TEX52: variants seen among roughly 807,000 people sequenced by gnomAD.
The protein encoded by TEX52 is testis expressed 52.
TEX52 carries 22 observed loss-of-function variants against 17.6 expected under a neutral mutation model. The observed-to-expected ratio is 1.25, with a 90% CI of 0.89 to 1.78. TEX52 has a LOEUF of 1.78. TEX52 is among the 40% of genes most tolerant of loss of function. TEX52 has a pLI of 0.00. For missense variants in TEX52, 396 were observed against 372.3 expected, an observed-to-expected ratio of 1.06 and a Z score of -0.52; for synonymous variants, 168 against 147.4, an observed-to-expected ratio of 1.14 and a Z score of -1.01.
chr12:2,853,706 A>G (rs901520513), intron 2 of TEX52, among the ~76,000 whole-genome samples: 3 of 150,978 alleles, frequency 2.0e-5, no homozygotes, highest in Admixed American at 6.6e-5. Flanking sequence ...ATTCCTTTTC[A>G]TTGCCTTCCC....
At chr12:2,853,149 T>C (rs1324138098) in intron 2 of TEX52, among the ~76,000 whole-genome samples, 6 of 152,162 alleles carry the variant, frequency 3.9e-5, no homozygotes, top group African/African-American at 1.4e-4. Flanking sequence ...CTCTAAGTCT[T>C]TCTCCCCTTT....
intron 2 of TEX52, 79 bp from the exon 3 acceptor site, chr12:2,849,604 G>A (rs2098063720): frequency 6.8e-7 from 1 of 1,465,638 alleles, no homozygotes; most frequent in Non-Finnish European, 9.2e-7. Context: ...GGAAGGGGAA[G>A]GGTGATGCCG....
intron 2 of TEX52, among the ~76,000 whole-genome samples, chr12:2,849,754 T>C (rs1384910280): frequency 1.3e-5 from 2 of 152,214 alleles, no homozygotes; most frequent in Admixed American, 1.3e-4. Flanking sequence ...GTCGTGCAGC[T>C]AGTAAGCCTT....
At chr12:2,854,794 C>T (rs2098081959) in intron 2 of TEX52, 102 bp downstream of exon 2, 9 of 1,228,836 alleles carry the variant, frequency 7.3e-6, no homozygotes, top group South Asian at 1.6e-5. Context: ...ATGGCCAGAG[C>T]GGGGAAGGAC....
intron 2 of TEX52, among the ~76,000 whole-genome samples, chr12:2,849,871 A>G (rs1313410150): frequency 1.3e-5 from 2 of 152,222 alleles, no homozygotes; most frequent in Non-Finnish European, 2.9e-5. Context: ...CAGTGGGAAA[A>G]TCACAGAACT....
Position 2,855,015 on chromosome 12 carries a change from CTGCTTCT to C in TEX52, c.497_503del (p.Lys166ArgfsTer2), listed in dbSNP as rs995267886. The C allele has an allele frequency of 2.0e-6, 3 of 1,536,064 alleles. No individual in the cohort carries two copies. In the African/African-American group the frequency reaches 4.1e-5, roughly 21 times the overall value. Reference sequence around the variant, plus strand: ...ACTCCTTCACTGTCCTGAAAATCACCTGCTTCTTCCTTTTCATGTCCACAAACGTGGG... The same window carrying C: ...ACTCCTTCACTGTCCTGAAAATCACCTCCTTTTCATGTCCACAAACGTGGG... On this transcript the variant is annotated frameshift_variant, in exon 2 of 3. Coordinates refer to ENST00000637658, the MANE Select transcript of TEX52 (RefSeq NM_001365174.2). LOFTEE classifies it high-confidence loss of function.
At chr12:2,851,189 A>G (rs908103728) in intron 2 of TEX52, among the ~76,000 whole-genome samples, 11 of 151,650 alleles carry the variant, frequency 7.3e-5, no homozygotes, top group Non-Finnish European at 1.6e-4. Flanking sequence ...AGATTTAAAG[A>G]TGTATAGGGC....
In TEX52 at chr12:2,849,216, C is replaced by G. The variant is rs2098062093; in HGVS notation, c.*15G>C. ...GGGGCTCTGGGTATCACGATCGTCC[C>G]CTCTGGAAGCCCTTCTAGAAGTGTC... On this transcript the variant is annotated 3_prime_UTR_variant, in exon 3 of 3. Transcript: ENST00000637658. 3 of 1,529,808 alleles carry G rather than the reference C, an allele frequency of 2.0e-6. No homozygotes were observed. The highest frequency in any genetic ancestry group is 2.6e-6 in the Non-Finnish European group (3 of 1,144,716). The allele number at this position is 1,529,808 out of a possible 1,614,324, so 94.8% of individuals were successfully genotyped here. A position where few individuals can be genotyped will look rare whatever the true frequency, so the allele number is the denominator to read the frequency against.
chr12:2,851,161 C>A (rs1246106836), intron 2 of TEX52, among the ~76,000 whole-genome samples: 1 of 149,182 alleles, frequency 6.7e-6, no homozygotes, highest in Non-Finnish European at 1.5e-5. Flanking sequence ...GAAACTCCAT[C>A]TGAAAAAAAA....
At chr12:2,854,859 C>A in intron 2 of TEX52, 37 bp downstream of exon 2, 1 of 1,504,466 alleles carries the variant, frequency 6.6e-7, no homozygotes, top group Non-Finnish European at 8.9e-7. Flanking sequence ...CTGGGCAGGG[C>A]AGGCTGGGTG....
Position 2,849,465 on chromosome 12 carries a change from G to C in TEX52, c.684C>G (p.Asn228Lys), listed in dbSNP as rs1316784574. Residue 228 changes from asparagine (N) to lysine (K), a missense_variant, in exon 3 of 3, where the codon AAC becomes AAG. Physicochemically the swap from Asn to Lys is moderately conservative, Grantham distance 94. Coordinates refer to ENST00000637658, the MANE Select transcript of TEX52 (RefSeq NM_001365174.2). ...FEPQGLQLMP[N>K]PFPNNFARSW... ...TCCTGGCGAAATTATTGGGAAACGG[G>C]TTGGGCATGAGCTGGAGGCCCTGGG... 5 of 1,536,050 alleles carry C rather than the reference G, an allele frequency of 3.3e-6. No individual in the cohort carries two copies. The African/African-American group carries it at 5.5e-5, about 17-fold the overall frequency.
At chr12:2,849,033 T>C (rs1035126873), downstream of TEX52, 5 of 619,366 alleles carry the variant, frequency 8.1e-6, no homozygotes, top group African/African-American at 9.3e-5. Flanking sequence ...GGAAGAAATA[T>C]AACAATTTAG....
At chr12:2,852,132 A>G (rs571222516) in intron 2 of TEX52, among the ~76,000 whole-genome samples, 53 of 152,302 alleles carry the variant, frequency 3.5e-4, no homozygotes, top group Non-Finnish European at 7.4e-4. Context: ...TTTGTGGCAC[A>G]TGACTTCCTG....
At chr12:2,853,799 G>A (rs145194666) in intron 2 of TEX52, among the ~76,000 whole-genome samples, 2 of 152,016 alleles carry the variant, frequency 1.3e-5, no homozygotes, top group African/African-American at 2.4e-5. Flanking sequence ...TGGCCGGGAG[G>A]GGGAGCTGCG....
At position 2,849,350 on chromosome 12, in the gene TEX52, T is replaced by G; in HGVS notation, c.799A>C (p.Ile267Leu). Residue 267 changes from isoleucine to leucine, a missense_variant, in exon 3 of 3, where the codon ATA (isoleucine) becomes CTA (leucine). Ile to Leu is a conservative substitution (Grantham distance 5). Transcript: ENST00000637658. ...TTTATCAGGGTTTGGAAATCCCTTA[T>G]GAGGTCCTGGCTCAGGGGCGCGCTG... ...LPSAPLSQDLIRDFQTLIKDR... is the reference protein window; with the variant it reads ...LPSAPLSQDLLRDFQTLIKDR... 1 of 1,536,162 alleles carries G rather than the reference T, an allele frequency of 6.5e-7. No individual in the cohort carries two copies. Among genetic ancestry groups the G allele is most frequent in the Non-Finnish European group, 8.7e-7 (1 of 1,146,916 alleles).
At chr12:2,855,603 C>T (rs2098084792) in intron 1 of TEX52, among the ~76,000 whole-genome samples, 157 bp from the exon 2 acceptor site, 2 of 152,246 alleles carry the variant, frequency 1.3e-5, no homozygotes, top group Admixed American at 1.3e-4. Context: ...CTCCATCCCT[C>T]TCCTTCCCGG....
intron 1 of TEX52, among the ~76,000 whole-genome samples, chr12:2,856,742 T>C (rs952406829): frequency 2.6e-5 from 4 of 152,096 alleles, no homozygotes; most frequent in African/African-American, 9.7e-5. Flanking sequence ...ATCACCCCAG[T>C]GGGTGGGGCT....
chr12:2,847,875 A>G (rs977018876), downstream of TEX52, among the ~76,000 whole-genome samples: 2 of 152,184 alleles, frequency 1.3e-5, no homozygotes, highest in Non-Finnish European at 2.9e-5. Flanking sequence ...ACACTGTAGC[A>G]TCTATCAATA....
chr12:2,849,370 G>A lies in TEX52; in HGVS notation c.779C>T (p.Ala260Val), dbSNP rs748387415. ...CCTTATGAGGTCCTGGCTCAGGGGC[G>A]CGCTGGGCAGCAAGGCCAGCTTTAG... ...KVLKLALLPS[A>V]PLSQDLIRDF... Residue 260 changes from alanine (A) to valine (V), a missense_variant, in exon 3 of 3, where the codon GCG becomes GTG. By Grantham distance (64) the Ala-to-Val change is moderately conservative. Transcript: ENST00000637658. 55 of 1,536,060 alleles carry A rather than the reference G, an allele frequency of 3.6e-5. No individual in the cohort carries two copies. The African/African-American group carries it at 4.1e-4, about 11-fold the overall frequency.
Sources: allele counts gnomAD v4.1 joint callset (sites outside exome capture counted in the v4.1 genomes callset), GRCh38; gene constraint gnomAD v4.1.1; transcripts MANE v1.5; gene names NCBI Gene and HGNC (gene_info 2026-07-23, HGNC 2026-07-21).